ASTN2: variants seen among roughly 807,000 people sequenced by gnomAD.
The protein encoded by ASTN2 is astrotactin-2.
A neutral mutation model predicts 139.8 loss-of-function variants in ASTN2; 54 were observed. The ratio of observed to expected loss-of-function variants is 0.39; its 90% CI spans 0.31 to 0.48. ASTN2 has a LOEUF of 0.48. ASTN2 is among the 20% of genes least tolerant of loss of function. ASTN2 has a pLI of 0.95. For missense variants in ASTN2, 1,565 were observed against 1,725.1 expected, an observed-to-expected ratio of 0.91 and a Z score of 1.64; for synonymous variants, 756 against 719.5, an observed-to-expected ratio of 1.05 and a Z score of -0.81.
At chr9:116,887,272 G>A (rs999976551) in intron 10 of ASTN2, among the ~76,000 whole-genome samples, 2 of 152,006 alleles carry the variant, frequency 1.3e-5, no homozygotes, top group Non-Finnish European at 2.9e-5. Flanking sequence ...ATACATGCAA[G>A]CACATCGTAT....
intron 16 of ASTN2, among the ~76,000 whole-genome samples, chr9:116,666,703 T>C (rs1331083160): frequency 2.0e-5 from 3 of 152,014 alleles, no homozygotes; most frequent in South Asian, 2.1e-4. Context: ...GTCTTCAACA[T>C]TCTACAAAAG....
intron 10 of ASTN2, among the ~76,000 whole-genome samples, chr9:116,879,250 A>C (rs960185668): frequency 4.6e-5 from 7 of 152,122 alleles, no homozygotes; most frequent in Admixed American, 3.9e-4. Context: ...ATTTCTAATA[A>C]CATAATGTGG....
chr9:117,283,384 T>G (rs1366025366), intron 2 of ASTN2, among the ~76,000 whole-genome samples: 1 of 152,196 alleles, frequency 6.6e-6, no homozygotes, highest in Non-Finnish European at 1.5e-5. Context: ...TAAAGTATTT[T>G]TTAAAGTCTA....
intron 10 of ASTN2, among the ~76,000 whole-genome samples, chr9:116,883,394 A>G (rs1833504989): frequency 6.6e-6 from 1 of 152,198 alleles, no homozygotes; most frequent in African/African-American, 2.4e-5. Flanking sequence ...CAGTGAGACT[A>G]CATGGTGGAC....
intron 22 of ASTN2, chr9:116,437,735 A>C (rs1252213916): frequency 5.3e-6 from 2 of 375,094 alleles, no homozygotes; most frequent in African/African-American, 4.2e-5. Context: ...AGCGGCTTTC[A>C]TCTGGGGCTC....
intron 5 of ASTN2, among the ~76,000 whole-genome samples, chr9:117,066,811 G>T: frequency 6.7e-6 from 1 of 149,232 alleles, no homozygotes; most frequent in Non-Finnish European, 1.5e-5. Context: ...CTTCTTTTGA[G>T]AAGTGTCTGT....
chr9:116,791,876 A>AG (rs1266442678), intron 13 of ASTN2, among the ~76,000 whole-genome samples: 1 of 152,180 alleles, frequency 6.6e-6, no homozygotes, highest in African/African-American at 2.4e-5. Flanking sequence ...AAACCAAAAA[A>AG]GGGGGGAAAG....
At chr9:116,724,707 T>A (rs1462588722) in intron 16 of ASTN2, among the ~76,000 whole-genome samples, 1 of 152,258 alleles carries the variant, frequency 6.6e-6, no homozygotes, top group Non-Finnish European at 1.5e-5. Flanking sequence ...ATTGCTTTTG[T>A]TCTTGGAGAT....
In ASTN2 at chr9:117,192,118, G is replaced by A. The variant is rs1017419854; in HGVS notation, c.1015+22240C>T. Among the ~76,000 whole-genome samples the A allele has an allele frequency of 2.6e-5, 4 of 152,090 alleles. No individual in the cohort carries two copies. The East Asian group carries it at 7.8e-4, about 29-fold the overall frequency. On this transcript the variant is annotated intron_variant, in intron 3 of 22. Coordinates refer to ENST00000313400, the MANE Select transcript of ASTN2 (RefSeq NM_001365068.1). ...TATATCTTATTTTAGAGAGTGTGTA[G>A]AGACAGCTCAGAGGATGGCTATCAG...
At chr9:116,543,308 G>A (rs1016523605) in intron 19 of ASTN2, among the ~76,000 whole-genome samples, 9 of 151,512 alleles carry the variant, frequency 5.9e-5, no homozygotes, top group Non-Finnish European at 8.8e-5. Flanking sequence ...ATGGTGGCGT[G>A]TGACTGCCGT....
intron 6 of ASTN2, among the ~76,000 whole-genome samples, chr9:117,036,886 G>A (rs1295857498): frequency 6.6e-6 from 1 of 152,088 alleles, no homozygotes; most frequent in Non-Finnish European, 1.5e-5. Context: ...AGTCCTTTCG[G>A]CATCTGCAGA....
At chr9:116,581,895 T>G (rs900285295) in intron 19 of ASTN2, 4 of 107,296 alleles carry the variant, frequency 3.7e-5, no homozygotes, top group Admixed American at 8.9e-5. Context: ...ATCTTATCTT[T>G]AACTTTAACT....
chr9:116,757,812 T>C (rs1829574861), intron 13 of ASTN2, among the ~76,000 whole-genome samples: 1 of 152,156 alleles, frequency 6.6e-6, no homozygotes, highest in Non-Finnish European at 1.5e-5. Context: ...ATGAGACCAA[T>C]CATCTTCTGA....
At chr9:116,962,844 G>A (rs1007538663) in intron 10 of ASTN2, among the ~76,000 whole-genome samples, 1 of 152,176 alleles carries the variant, frequency 6.6e-6, no homozygotes, top group Admixed American at 6.5e-5. Context: ...TAGGTAAGGG[G>A]ATTGAATGAT....
intron 13 of ASTN2, among the ~76,000 whole-genome samples, chr9:116,764,226 C>T (rs1829747644): frequency 6.6e-6 from 1 of 152,216 alleles, no homozygotes; most frequent in Admixed American, 6.5e-5. Context: ...CAGTCTTTAG[C>T]TGTCAGCCCT....
intron 7 of ASTN2, among the ~76,000 whole-genome samples, chr9:116,999,538 TTC>T (rs1185398252): frequency 4.1e-5 from 6 of 147,802 alleles, no homozygotes; most frequent in East Asian, 2.0e-4. Flanking sequence ...CTTTCTTTCT[TTC>T]TCTCTTTCTT....
chr9:117,107,813 G>T (rs944981), intron 4 of ASTN2, among the ~76,000 whole-genome samples: 134,091 of 152,252 alleles, frequency 0.88, 59,122 homozygotes, highest in East Asian at 0.97. Context: ...TAGAATTGAT[G>T]CTTCTAAACC....
chr9:116,660,501 T>A (rs527524161), intron 16 of ASTN2, among the ~76,000 whole-genome samples: 120 of 152,294 alleles, frequency 7.9e-4, no homozygotes, highest in African/African-American at 2.8e-3. Flanking sequence ...TACCTAAATA[T>A]TGGATTATTT....
chr9:117,398,130 TA>T (rs559893580), intron 1 of ASTN2, among the ~76,000 whole-genome samples: 1 of 151,850 alleles, frequency 6.6e-6, no homozygotes, highest in Non-Finnish European at 1.5e-5. Flanking sequence ...CAAAGGAAAA[TA>T]AAAAAAGAAA....
Sources: gnomAD v4.1 joint callset for allele counts (sites outside exome capture counted in the v4.1 genomes callset) on GRCh38, gnomAD v4.1.1 for gene constraint, MANE v1.5 for transcripts, NCBI Gene and HGNC (gene_info 2026-07-23, HGNC 2026-07-21) for gene names.